CSMD1: variants seen among roughly 807,000 people sequenced by gnomAD.
CSMD1 encodes the protein CUB and Sushi multiple domains 1.
CSMD1 carries 213 observed loss-of-function variants against 417.5 expected under a neutral mutation model. That is an observed-to-expected ratio of 0.51 (90% CI 0.46 to 0.57). The LOEUF is 0.57. Ranked by LOEUF, CSMD1 falls within the 20% of genes least tolerant of loss-of-function variation. The pLI, the probability that CSMD1 is intolerant of heterozygous loss-of-function variation, is 0.00. For synonymous variants in CSMD1, 2,862 were observed against 1,736.8 expected (o/e 1.65, Z -16.11); for missense variants, 6,923 against 4,529.7 (o/e 1.53, Z -15.17).
chr8:3,063,683 TACA>T (rs1484202862), intron 49 of CSMD1, among the ~76,000 whole-genome samples: 5 of 152,186 alleles, frequency 3.3e-5, no homozygotes, highest in African/African-American at 7.2e-5. Flanking sequence ...CACCACATGC[TACA>T]ACATGATGAT....
chr8:4,920,300 G>C (rs1806349632), intron 1 of CSMD1, among the ~76,000 whole-genome samples: 1 of 152,068 alleles, frequency 6.6e-6, no homozygotes, highest in African/African-American at 2.4e-5. Flanking sequence ...GGCAGTTCAA[G>C]ATAAGTCAAT....
At chr8:3,262,164 T>C (rs73500036) in intron 26 of CSMD1, among the ~76,000 whole-genome samples, 2,675 of 138,672 alleles carry the variant, frequency 0.019, 104 homozygotes, top group African/African-American at 0.069. Flanking sequence ...CCATTTTATT[T>C]CTAAAATTAT....
In CSMD1 at chr8:2,950,361, G is replaced by C. The variant is rs532914026; in HGVS notation, c.10202-18C>G. ...GTAAATGCCTGTGAAAAGATCAGCA[G>C]TTTAGGCTTACCTTGGAGAAAGTTA... On this transcript the variant is annotated intron_variant, in intron 66 of 69. Transcript: ENST00000635120. 6 of 1,492,682 alleles carry C rather than the reference G, an allele frequency of 4.0e-6. No individual in the cohort carries two copies. Among genetic ancestry groups the C allele is most frequent in the African/African-American group, 1.4e-5 (1 of 72,636 alleles). The allele number at this position is 1,492,682 out of a possible 1,614,324, so 92.5% of individuals were successfully genotyped here.
At chr8:3,101,824 C>CA (rs1815776738) in intron 46 of CSMD1, among the ~76,000 whole-genome samples, 1 of 113,454 alleles carries the variant, frequency 8.8e-6, no homozygotes, top group African/African-American at 3.4e-5. Context: ...TTTTTTTAGA[C>CA]AGAGTCTTGC....
chr8:3,394,027 T>A (rs1385061370), intron 17 of CSMD1, among the ~76,000 whole-genome samples: 1 of 63,034 alleles, frequency 1.6e-5, no homozygotes, highest in Non-Finnish European at 3.3e-5. Flanking sequence ...TATATATATA[T>A]ATATATATAT....
At chr8:4,032,864 G>A (rs1797420797) in intron 3 of CSMD1, among the ~76,000 whole-genome samples, 1 of 152,090 alleles carries the variant, frequency 6.6e-6, no homozygotes, top group African/African-American at 2.4e-5. Context: ...AAGTTAATCT[G>A]AAAAACTAGG....
At chr8:4,903,366 G>A (rs1585296630) in intron 1 of CSMD1, among the ~76,000 whole-genome samples, 1 of 152,132 alleles carries the variant, frequency 6.6e-6, no homozygotes, top group Non-Finnish European at 1.5e-5. Flanking sequence ...TACCCCTGTG[G>A]TTTTAATTCA....
chr8:3,175,535 TC>T (rs1486869796), intron 37 of CSMD1, among the ~76,000 whole-genome samples: 40 of 144,738 alleles, frequency 2.8e-4, no homozygotes, highest in Non-Finnish European at 5.1e-4. Flanking sequence ...CTTCCTTCCT[TC>T]TTCCCTCCCT....
intron 54 of CSMD1, among the ~76,000 whole-genome samples, chr8:2,989,784 T>C (rs902596029): frequency 3.3e-5 from 5 of 152,228 alleles, no homozygotes; most frequent in African/African-American, 1.2e-4. Context: ...CCCACTCTTT[T>C]GAGTTCAGTT....
chr8:3,615,896 CTGAAA>C (rs1358758121), intron 8 of CSMD1, among the ~76,000 whole-genome samples: 8 of 152,118 alleles, frequency 5.3e-5, no homozygotes, highest in Non-Finnish European at 1.0e-4. Context: ...CTTGAACTCA[CTGAAA>C]TAAGTGCAAA....
At chr8:3,446,652 T>G (rs1224315818) in intron 12 of CSMD1, among the ~76,000 whole-genome samples, 2 of 152,154 alleles carry the variant, frequency 1.3e-5, no homozygotes, top group Non-Finnish European at 2.9e-5. Context: ...GGAATCTAGT[T>G]AGGAAAAAAA....
intron 1 of CSMD1, among the ~76,000 whole-genome samples, chr8:4,961,621 A>G (rs910836654): frequency 1.3e-5 from 2 of 152,112 alleles, no homozygotes; most frequent in South Asian, 4.1e-4. Flanking sequence ...TTGTCGCTCA[A>G]ACTTTTGTAT....
intron 37 of CSMD1, among the ~76,000 whole-genome samples, chr8:3,172,451 A>T (rs1024939564): frequency 2.0e-5 from 3 of 152,138 alleles, no homozygotes; most frequent in Non-Finnish European, 4.4e-5. Context: ...CAAGGTGCTT[A>T]TCATAACCTA....
At chr8:3,403,598 C>G (rs896455469) in intron 15 of CSMD1, among the ~76,000 whole-genome samples, 3 of 152,220 alleles carry the variant, frequency 2.0e-5, no homozygotes, top group African/African-American at 7.2e-5. Flanking sequence ...TGTAACATAT[C>G]TGCAATCAGC....
At chr8:3,509,214 A>C (rs897880717) in intron 10 of CSMD1, among the ~76,000 whole-genome samples, 1 of 152,226 alleles carries the variant, frequency 6.6e-6, no homozygotes, top group Non-Finnish European at 1.5e-5. Context: ...GCAATTAGAG[A>C]AACAATATTA....
intron 48 of CSMD1, among the ~76,000 whole-genome samples, chr8:3,091,198 G>C (rs930378963): frequency 6.6e-6 from 1 of 151,688 alleles, no homozygotes; most frequent in Non-Finnish European, 1.5e-5. Context: ...CTATTTGTTT[G>C]CTTACCATTT....
intron 3 of CSMD1, among the ~76,000 whole-genome samples, chr8:4,392,647 GTTA>G (rs200466780): frequency 8.1e-5 from 12 of 147,260 alleles, no homozygotes; most frequent in African/African-American, 1.5e-4. Flanking sequence ...GGGGGGGAGG[GTTA>G]TTATTATTAT....
intron 7 of CSMD1, among the ~76,000 whole-genome samples, chr8:3,644,252 G>C (rs1010340593): frequency 1.3e-5 from 2 of 152,180 alleles, no homozygotes; most frequent in Non-Finnish European, 2.9e-5. Flanking sequence ...GACACTAACA[G>C]TTGAGAACCA....
intron 12 of CSMD1, among the ~76,000 whole-genome samples, chr8:3,411,796 GTA>G: frequency 9.2e-6 from 1 of 108,318 alleles, no homozygotes; most frequent in African/African-American, 3.8e-5. Context: ...ATATATACAC[GTA>G]TATATACACG....
Sources: allele counts gnomAD v4.1 joint callset (sites outside exome capture counted in the v4.1 genomes callset), GRCh38; gene constraint gnomAD v4.1.1; transcripts MANE v1.5; gene names NCBI Gene and HGNC (gene_info 2026-07-23, HGNC 2026-07-21).